TTLL11: variants seen among roughly 807,000 people sequenced by gnomAD.
The protein encoded by TTLL11 is tubulin tyrosine ligase like 11.
TTLL11 carries 42 observed loss-of-function variants against 51.7 expected under a neutral mutation model. The ratio of observed to expected loss-of-function variants is 0.81; its 90% CI spans 0.64 to 1.05. The LOEUF (loss-of-function observed/expected upper bound fraction) is 1.05, where lower values mean the gene tolerates loss of function less well. TTLL11 is among the 50% of genes least tolerant of loss of function. TTLL11 has a pLI of 0.00. For missense variants in TTLL11, 799 were observed against 940.4 expected (o/e 0.85, Z 1.97); for synonymous variants, 381 against 383.5 (o/e 0.99, Z 0.08).
intron 6 of TTLL11, among the ~76,000 whole-genome samples, chr9:121,973,607 G>C (rs1054908999): frequency 1.3e-5 from 2 of 150,892 alleles, no homozygotes; most frequent in Non-Finnish European, 3.0e-5. Flanking sequence ...GTCAGGGGAG[G>C]GGGGAAGGAC....
chr9:121,934,055 C>A (rs1841097837), intron 6 of TTLL11, among the ~76,000 whole-genome samples: 1 of 152,072 alleles, frequency 6.6e-6, no homozygotes, highest in Non-Finnish European at 1.5e-5. Context: ...CATAGAGCAA[C>A]CCTGTCTCTA....
At chr9:122,021,501 C>T (rs1038316948) in intron 3 of TTLL11, among the ~76,000 whole-genome samples, 3 of 152,150 alleles carry the variant, frequency 2.0e-5, no homozygotes, top group Non-Finnish European at 4.4e-5. Context: ...GCCTGGTGTT[C>T]ACACAGAGCC....
intron 8 of TTLL11, among the ~76,000 whole-genome samples, chr9:121,849,616 T>G (rs1031319939): frequency 6.6e-6 from 1 of 152,120 alleles, no homozygotes; most frequent in Non-Finnish European, 1.5e-5. Flanking sequence ...ACCAAAGAAG[T>G]TATACAGATG....
At chr9:121,957,180 G>A (rs1842046309) in intron 6 of TTLL11, among the ~76,000 whole-genome samples, 1 of 150,668 alleles carries the variant, frequency 6.6e-6, no homozygotes, top group Admixed American at 6.6e-5. Context: ...ATAGTCTCAG[G>A]TCTTCCTCAA....
In TTLL11 at chr9:121,995,483, T is replaced by C. The variant is rs1843225737; in HGVS notation, c.694-5713A>G. On this transcript the variant is annotated intron_variant, in intron 3 of 8. Transcript: ENST00000321582. This position sits in a 1 kb window ranked among gnomAD's most constrained non-coding sequence, Gnocchi z 4.4. Reference sequence around the variant, plus strand: ...AGGTAGAATCAGGGCACCTGGTGACTGGACAGATGTGAAAGGCGAGAGAGG... The same window carrying C: ...AGGTAGAATCAGGGCACCTGGTGACCGGACAGATGTGAAAGGCGAGAGAGG... Among the ~76,000 whole-genome samples the C allele has an allele frequency of 6.6e-6, 1 of 152,040 alleles. No individual in the cohort carries two copies. Among genetic ancestry groups the C allele is most frequent in the African/African-American group, 2.4e-5 (1 of 41,388 alleles).
chr9:121,926,802 C>T (rs1377305367), intron 6 of TTLL11, among the ~76,000 whole-genome samples: 1 of 150,480 alleles, frequency 6.6e-6, no homozygotes, highest in Non-Finnish European at 1.5e-5. Context: ...CCCACTCTGG[C>T]TGTTAAAACA....
chr9:121,956,000 A>C (rs1056310160), intron 6 of TTLL11, among the ~76,000 whole-genome samples: 2 of 152,090 alleles, frequency 1.3e-5, no homozygotes, highest in South Asian at 4.1e-4. Flanking sequence ...TCAATAATTA[A>C]GTGGTTAAAA....
intron 8 of TTLL11, among the ~76,000 whole-genome samples, chr9:121,836,429 T>A (rs1441151581): frequency 5.3e-5 from 8 of 152,138 alleles, no homozygotes; most frequent in Non-Finnish European, 8.8e-5. Context: ...TTGCTTCCAG[T>A]GATGGGGAGC....
At position 121,959,878 on chromosome 9, in the gene TTLL11, G is replaced by A. The variant is rs148297982; in HGVS notation, c.1481+14131C>T. Among the ~76,000 whole-genome samples, 356 of 151,910 alleles carry A rather than the reference G, an allele frequency of 2.3e-3. 2 individuals carry two copies. In the East Asian group the frequency reaches 0.04, roughly 17 times the overall value. On this transcript the variant is annotated intron_variant, in intron 6 of 8. Coordinates refer to ENST00000321582, the MANE Select transcript of TTLL11 (RefSeq NM_001139442.2). ...CGTCCCTGCTTGCTCACTGTGATCT[G>A]TATTATACATTGGACTTCTTTATTT...
chr9:122,006,155 C>T (rs982967159), intron 3 of TTLL11, among the ~76,000 whole-genome samples: 11 of 152,080 alleles, frequency 7.2e-5, no homozygotes, highest in East Asian at 5.8e-4. Context: ...GCCTGGCCAA[C>T]ATGGTGAAAC....
chr9:121,919,940 T>A (rs2131522836), intron 6 of TTLL11, among the ~76,000 whole-genome samples: 1 of 152,270 alleles, frequency 6.6e-6, no homozygotes, highest in Admixed American at 6.5e-5. Flanking sequence ...TTTAATACTG[T>A]TTAACTTTGT....
intron 6 of TTLL11, among the ~76,000 whole-genome samples, chr9:121,938,393 C>T (rs1351165175): frequency 6.6e-6 from 1 of 151,374 alleles, no homozygotes; most frequent in Non-Finnish European, 1.5e-5. Context: ...GGTATAAGGA[C>T]TAAAAAGGGA....
At chr9:122,013,861 A>T (rs1001617906) in intron 3 of TTLL11, among the ~76,000 whole-genome samples, 2 of 152,224 alleles carry the variant, frequency 1.3e-5, no homozygotes, top group African/African-American at 4.8e-5. Flanking sequence ...GGCAGCAGAA[A>T]CTTGTGCAGA....
At chr9:121,827,766 C>A (rs1194242830) in intron 8 of TTLL11, among the ~76,000 whole-genome samples, 1 of 151,198 alleles carries the variant, frequency 6.6e-6, no homozygotes, top group Non-Finnish European at 1.5e-5. Context: ...CCAATATTCA[C>A]TGAGCTTCAG....
chr9:121,972,464 G>A (rs980607762), intron 6 of TTLL11, among the ~76,000 whole-genome samples: 1 of 152,238 alleles, frequency 6.6e-6, no homozygotes, highest in African/African-American at 2.4e-5. Flanking sequence ...TTGAAGCACT[G>A]ATCGGTGGAA....
At chr9:122,025,984 T>C (rs1381909506) in intron 3 of TTLL11, among the ~76,000 whole-genome samples, 1 of 152,134 alleles carries the variant, frequency 6.6e-6, no homozygotes, top group Non-Finnish European at 1.5e-5. Context: ...ACTACAAATA[T>C]GGATGAATCT....
chr9:121,979,146 A>G (rs1842777574), intron 4 of TTLL11, among the ~76,000 whole-genome samples: 1 of 152,190 alleles, frequency 6.6e-6, no homozygotes, highest in Admixed American at 6.5e-5. Context: ...GCCACCTGCC[A>G]TATTGTCATG....
chr9:121,901,906 AT>A (rs1564296669), intron 6 of TTLL11, among the ~76,000 whole-genome samples: 1 of 152,012 alleles, frequency 6.6e-6, no homozygotes, highest in Non-Finnish European at 1.5e-5. Flanking sequence ...GCTTCTGATA[AT>A]TTTTTTGTAC....
chr9:121,851,940 C>T (rs1190530892), intron 8 of TTLL11, among the ~76,000 whole-genome samples: 1 of 152,204 alleles, frequency 6.6e-6, no homozygotes, highest in Non-Finnish European at 1.5e-5. Context: ...CTAAACACAG[C>T]TCTGCCCAAT....
Sources: allele counts gnomAD v4.1 joint callset (sites outside exome capture counted in the v4.1 genomes callset), GRCh38; gene constraint gnomAD v4.1.1; non-coding constraint Gnocchi (gnomAD v3.1); transcripts MANE v1.5; gene names NCBI Gene and HGNC (gene_info 2026-07-23, HGNC 2026-07-21).